The following PBRM1 variants were observed in gnomAD, a reference collection of about 807,000 sequenced individuals.
The protein encoded by PBRM1 is protein polybromo-1.
In PBRM1, 27 loss-of-function variants were observed where a neutral mutation model predicts 194.5. The observed-to-expected ratio is 0.14, with a 90% CI of 0.10 to 0.19. PBRM1 has a LOEUF of 0.19. Among genes scored for constraint, PBRM1 ranks in the 10% least tolerant of loss-of-function variants. PBRM1 has a pLI of 1.00. For missense variants in PBRM1, 1,466 were observed against 2,077.2 expected (o/e 0.71, Z 5.72); for synonymous variants, 655 against 693.2 (o/e 0.94, Z 0.87).
intron 15 of PBRM1, among the ~76,000 whole-genome samples, chr3:52,610,861 C>T (rs1271857125): frequency 6.6e-6 from 1 of 152,118 alleles, no homozygotes; most frequent in Non-Finnish European, 1.5e-5. Flanking sequence ...ATTGCTTGAA[C>T]CCAGGAGGTA....
intron 6 of PBRM1, among the ~76,000 whole-genome samples, chr3:52,649,647 T>C (rs2096434037): frequency 6.6e-6 from 1 of 152,182 alleles, no homozygotes. Flanking sequence ...TCAGAGTTGG[T>C]TTTATTCAAC....
intron 22 of PBRM1, 67 bp from the exon 25 acceptor site, chr3:52,564,300 A>G (rs2084442897): frequency 8.7e-7 from 1 of 1,147,922 alleles, no homozygotes; most frequent in Non-Finnish European, 1.3e-6. Flanking sequence ...CTGTTTTAAC[A>G]TTTTATTATT....
chr3:52,611,772 C>A (rs1303097984), intron 15 of PBRM1, among the ~76,000 whole-genome samples: 2 of 152,068 alleles, frequency 1.3e-5, no homozygotes, highest in East Asian at 3.9e-4. Flanking sequence ...CCACTACACT[C>A]CAGCCTGGGT....
At chr3:52,586,294 T>C in intron 20 of PBRM1, 131 bp downstream of exon 22, 1 of 754,052 alleles carries the variant, frequency 1.3e-6, no homozygotes, top group Non-Finnish European at 2.2e-6. Flanking sequence ...CTGTTATAGT[T>C]TCCTTCTTCC....
At chr3:52,647,486 A>ATATATATG (rs1420389741) in intron 7 of PBRM1, among the ~76,000 whole-genome samples, 10 of 121,642 alleles carry the variant, frequency 8.2e-5, no homozygotes, top group Non-Finnish European at 1.5e-4. Flanking sequence ...ATATATATAT[A>ATATATATG]TATGTAGTAT....
chr3:52,668,607 A>T, exon 3 of PBRM1: 1 of 1,603,534 alleles, frequency 6.2e-7, no homozygotes, highest in Non-Finnish European at 8.5e-7. Flanking sequence ...CATCAAGTCA[A>T]TGGGCTGAGA....
intron 25 of PBRM1, 31 bp downstream of exon 27, chr3:52,561,736 C>A: frequency 6.3e-7 from 1 of 1,596,126 alleles, no homozygotes; most frequent in African/African-American, 1.3e-5. Context: ...CCCCTTGCTT[C>A]GAAAGACAGT....
rs1026902120 is a variant in PBRM1 at position 52,634,613 on chromosome 3, T to A, written c.1290A>T (p.Leu430=). Residue 430 remains leucine, a synonymous_variant, in exon 11 of 30, where the codon CTA becomes CTT. Coordinates refer to ENST00000296302, the Ensembl canonical transcript of PBRM1. ...AGAAGACATCTTACCGGATCTGTTG[T>A]AGTGATATGGGCATTTTAATTTGCT... 4.4e-6 allele frequency: 7 copies of A among 1,596,766 alleles called. No homozygotes were observed. In the South Asian group the frequency reaches 6.6e-5, roughly 15 times the overall value.
At chr3:52,658,239 C>A (rs759776302) in exon 5 of PBRM1, 1 of 1,611,912 alleles carries the variant, frequency 6.2e-7, no homozygotes, top group Non-Finnish European at 8.5e-7. Context: ...GCTAATGAGA[C>A]GTCCTGATGG....
At chr3:52,621,882 C>A (rs775608118) in intron 13 of PBRM1, among the ~76,000 whole-genome samples, 2 of 152,002 alleles carry the variant, frequency 1.3e-5, no homozygotes, top group Admixed American at 1.3e-4. Flanking sequence ...TGAGACACCA[C>A]CTCTTTAAAA....
At chr3:52,596,970 C>CTT (rs2093614121) in intron 17 of PBRM1, among the ~76,000 whole-genome samples, 1 of 152,172 alleles carries the variant, frequency 6.6e-6, no homozygotes, top group Admixed American at 6.6e-5. Flanking sequence ...AGCCCTTTAG[C>CTT]ACACAGTGGC....
intron 15 of PBRM1, among the ~76,000 whole-genome samples, chr3:52,611,177 A>T (rs1332662848): frequency 6.6e-6 from 1 of 152,234 alleles, no homozygotes; most frequent in Non-Finnish European, 1.5e-5. Context: ...CCTTTCAAAA[A>T]GCAAGACACA....
At chr3:52,597,652 G>A (rs1478827178) in intron 17 of PBRM1, among the ~76,000 whole-genome samples, 1 of 152,056 alleles carries the variant, frequency 6.6e-6, no homozygotes, top group Non-Finnish European at 1.5e-5. Flanking sequence ...CTGAACTCCT[G>A]GGCTCAAGTG....
At chr3:52,635,411 C>T (rs905728862) in intron 10 of PBRM1, among the ~76,000 whole-genome samples, 1 of 151,826 alleles carries the variant, frequency 6.6e-6, no homozygotes. Flanking sequence ...ACTAAAAATA[C>T]AAAAATTAGC....
intron 6 of PBRM1, among the ~76,000 whole-genome samples, chr3:52,650,361 C>CA (rs776692798): frequency 0.13 from 4,513 of 33,856 alleles, 413 homozygotes; most frequent in African/African-American, 0.29. Context: ...AAGACTGTCT[C>CA]AAAAAAAAAA....
chr3:52,652,103 G>A (rs2096510865), intron 5 of PBRM1, among the ~76,000 whole-genome samples: 1 of 152,222 alleles, frequency 6.6e-6, no homozygotes, highest in South Asian at 2.1e-4. Context: ...CTAGGCTGGG[G>A]CCGGGTGCGG....
chr3:52,609,357 T>C lies in PBRM1; in HGVS notation c.2523A>G (p.Gln841=), dbSNP rs1046104853. The change falls in exon 16 of 30, where the codon CAA becomes CAG. Residue 841 remains glutamine, a synonymous_variant. Transcript: ENST00000296302. The surrounding 1 kb of genome is among the most constrained non-coding windows in gnomAD (Gnocchi z 4.1). ...GTTCCAATACTTCAAACATATGCTC[T>C]TGAAATAAATCAAGCCGACGGTAGC... 2 of 1,614,016 alleles carry C rather than the reference T, an allele frequency of 1.2e-6. No homozygotes were observed. The highest frequency in any genetic ancestry group is 1.7e-5 in the Admixed American group (1 of 60,000).
At chr3:52,672,652 G>A (rs183528598) in intron 2 of PBRM1, among the ~76,000 whole-genome samples, 45 of 151,876 alleles carry the variant, frequency 3.0e-4, no homozygotes, top group Non-Finnish European at 4.7e-4. Context: ...ACACCACCAC[G>A]CCCGGCTAAT....
chr3:52,623,893 A>G (rs1395064023), intron 13 of PBRM1, among the ~76,000 whole-genome samples: 2 of 152,200 alleles, frequency 1.3e-5, no homozygotes, highest in East Asian at 3.8e-4. Flanking sequence ...ATACATTATG[A>G]ATGATATGAA....
Sources: gnomAD v4.1 joint callset for allele counts (sites outside exome capture counted in the v4.1 genomes callset) on GRCh38, gnomAD v4.1.1 for gene constraint, Gnocchi (gnomAD v3.1) non-coding constraint, MANE v1.5 for transcripts, NCBI Gene and HGNC (gene_info 2026-07-23, HGNC 2026-07-21) for gene names.